The following CFAP47 variants were observed in gnomAD, a reference collection of about 807,000 sequenced individuals.
CFAP47 encodes cilia and flagella associated protein 47, also known as cilia- and flagella-associated protein 47.
In CFAP47, 29 loss-of-function variants were observed where a neutral mutation model predicts 148.1. The ratio of observed to expected loss-of-function variants is 0.20; its 90% CI spans 0.15 to 0.27. The LOEUF (loss-of-function observed/expected upper bound fraction) is 0.27. Ranked by LOEUF, CFAP47 falls within the 10% of genes least tolerant of loss-of-function variation. The probability of loss-of-function intolerance (pLI) is 1.00; values close to 1 mark genes in which losing one functional copy is unlikely to be tolerated. For synonymous variants in CFAP47, 664 were observed against 577.3 expected (o/e 1.15, Z -2.15); for missense variants, 1,872 against 1,697.5 (o/e 1.10, Z -1.81).
chrX:36,346,760 C>G (rs1167129834), intron 57 of CFAP47, among the ~76,000 whole-genome samples: 1 of 111,679 alleles, frequency 9.0e-6, no homozygotes, highest in Non-Finnish European at 1.9e-5. Context: ...GTGGCATCTT[C>G]AGGAGAAACT....
At chrX:36,261,183 T>C (rs1029551775) in intron 49 of CFAP47, among the ~76,000 whole-genome samples, 2 of 104,634 alleles carry the variant, frequency 1.9e-5, no homozygotes, top group African/African-American at 3.6e-5. Flanking sequence ...TCACTGACAG[T>C]GTAGCTGTGG....
chrX:36,032,263 G>A (rs1245723038), intron 23 of CFAP47, among the ~76,000 whole-genome samples: 1 of 109,660 alleles, frequency 9.1e-6, no homozygotes, highest in Non-Finnish European at 1.9e-5. Context: ...GACACCAATA[G>A]CATTCTCTCT....
At chrX:36,337,921 CGG>C (rs1453412992) in intron 57 of CFAP47, among the ~76,000 whole-genome samples, 3 of 86,710 alleles carry the variant, frequency 3.5e-5, no homozygotes, top group Non-Finnish European at 6.4e-5. Context: ...GGCTGGAGTG[CGG>C]TGTGGCGCGA....
At position 36,028,772 on chromosome X, in the gene CFAP47, T is replaced by G. The variant is rs776735317; in HGVS notation, c.3557-2481T>G. ...TTTTTAGTAGAGTCTTTAAAGGATG[T>G]CAGATTTTATCAATGAGCAGGGATA... On this transcript the variant is annotated intron_variant, in intron 22 of 63. Transcript: ENST00000378653. Among the ~76,000 whole-genome samples the G allele has an allele frequency of 4.5e-5, 5 of 111,088 alleles. 1 individual carries two copies. In the South Asian group the frequency reaches 1.9e-3, roughly 41 times the overall value.
intron 23 of CFAP47, among the ~76,000 whole-genome samples, chrX:36,034,599 T>A (rs966510418): frequency 8.9e-6 from 1 of 111,772 alleles, no homozygotes; most frequent in African/African-American, 3.2e-5. Flanking sequence ...CTTTCAGTTA[T>A]AATTTAATAT....
At chrX:36,379,272 T>C in intron 62 of CFAP47, 78 bp from the exon 63 acceptor site, 1 of 914,576 alleles carries the variant, frequency 1.1e-6, no homozygotes, top group South Asian at 2.2e-5. Context: ...AGGATTCAAA[T>C]TCTACTCATC....
In CFAP47 at chrX:36,210,764, T is replaced by C. The variant is rs184499049; in HGVS notation, c.6817+5654T>C. On this transcript the variant is annotated intron_variant, in intron 45 of 63. Coordinates refer to ENST00000378653, the MANE Select transcript of CFAP47 (RefSeq NM_001304548.2). ...CTTGTTGCTCTTGCTTTTGATCATA[T>C]CTAAGAATCCATTGCCAAATGTGAG... 4.2e-3 allele frequency among the ~76,000 whole-genome samples: 468 copies of C among 112,439 alleles called. 12 individuals carry two copies. The highest frequency in any genetic ancestry group is 0.035 in the Admixed American group (375 of 10,575).
intron 13 of CFAP47, among the ~76,000 whole-genome samples, chrX:35,974,502 C>A (rs1302086286): frequency 9.0e-6 from 1 of 110,900 alleles, no homozygotes; most frequent in Non-Finnish European, 1.9e-5. Context: ...GCATATAAAA[C>A]ATGGAGAATG....
At chrX:35,938,134 T>G (rs777755967) in intron 2 of CFAP47, among the ~76,000 whole-genome samples, 4 of 111,868 alleles carry the variant, frequency 3.6e-5, no homozygotes, top group Non-Finnish European at 5.6e-5. Context: ...TTAAAATGTA[T>G]CCAGTAGAAT....
At position 36,211,654 on chromosome X, in the gene CFAP47, CAGTA is replaced by C. The variant is rs1263272148; in HGVS notation, c.6817+6547_6817+6550del. 1.5e-5 allele frequency: 3 copies of C among 199,826 alleles called. No homozygotes were observed. In the East Asian group the frequency reaches 4.3e-4, roughly 29 times the overall value. 16.5% of individuals were successfully genotyped at this position (199,826 alleles called of 1,213,427 possible). ...AAAAGGGAGTTGTAAAGGTTGAAAACAGTAAGAAAAAGAAAGAAGAGGAGGAAGA... is the reference window on the plus strand; with the variant it reads ...AAAAGGGAGTTGTAAAGGTTGAAAACAGAAAAAGAAAGAAGAGGAGGAAGA... On this transcript the variant is annotated intron_variant, in intron 45 of 63. Coordinates refer to ENST00000378653, the MANE Select transcript of CFAP47 (RefSeq NM_001304548.2).
At chrX:36,124,143 C>G (rs749602584) in intron 33 of CFAP47, among the ~76,000 whole-genome samples, 8 of 111,514 alleles carry the variant, frequency 7.2e-5, no homozygotes, top group Non-Finnish European at 1.9e-5. Flanking sequence ...TCCTGCTGTG[C>G]CTGAACTGGT....
At chrX:36,001,401 C>A (rs1378826301) in intron 20 of CFAP47, among the ~76,000 whole-genome samples, 1 of 111,161 alleles carries the variant, frequency 9.0e-6, no homozygotes, top group Admixed American at 9.6e-5. Context: ...TAACATGCTT[C>A]TTGAACTTTG....
At chrX:35,924,362 T>G (rs1248429597) in intron 1 of CFAP47, among the ~76,000 whole-genome samples, 2 of 106,938 alleles carry the variant, frequency 1.9e-5, no homozygotes, top group Non-Finnish European at 3.9e-5. Flanking sequence ...TGTGTATATA[T>G]GTATATGTGC....
At chrX:36,106,887 C>T (rs762232701) in intron 33 of CFAP47, among the ~76,000 whole-genome samples, 2 of 111,488 alleles carry the variant, frequency 1.8e-5, no homozygotes, top group Non-Finnish European at 3.8e-5. Flanking sequence ...CTGTTTGATA[C>T]TATAATTATG....
chrX:36,329,411 G>T (rs1425785954), intron 57 of CFAP47, among the ~76,000 whole-genome samples: 2 of 111,752 alleles, frequency 1.8e-5, no homozygotes, highest in African/African-American at 6.5e-5. Flanking sequence ...GAAAGGTAAG[G>T]ACTTGTCACA....
chrX:36,209,081 TA>T (rs1270945616), intron 45 of CFAP47, among the ~76,000 whole-genome samples: 2 of 112,485 alleles, frequency 1.8e-5, no homozygotes, highest in African/African-American at 6.5e-5. Flanking sequence ...TCAAACAGGA[TA>T]AAAAATAAAT....
intron 30 of CFAP47, among the ~76,000 whole-genome samples, chrX:36,087,137 G>C (rs1326869235): frequency 8.9e-6 from 1 of 112,156 alleles, no homozygotes; most frequent in Non-Finnish European, 1.9e-5. Context: ...ATCCAGCATG[G>C]ATGATCCTAA....
At chrX:35,939,434 TCCCTCCC>T (rs1301277220) in intron 2 of CFAP47, among the ~76,000 whole-genome samples, 1 of 69,183 alleles carries the variant, frequency 1.4e-5, no homozygotes, top group African/African-American at 5.4e-5. Context: ...CCCAATGCTA[TCCCTCCC>T]CCCTCCCCCC....
chrX:36,228,304 C>T (rs1940294290), intron 45 of CFAP47, among the ~76,000 whole-genome samples: 1 of 111,070 alleles, frequency 9.0e-6, no homozygotes, highest in Non-Finnish European at 1.9e-5. Flanking sequence ...AACTTCCAGC[C>T]ATTCCTTTTC....
Sources: allele counts gnomAD v4.1 joint callset (sites outside exome capture counted in the v4.1 genomes callset), GRCh38; gene constraint gnomAD v4.1.1; transcripts MANE v1.5; gene names NCBI Gene and HGNC (gene_info 2026-07-23, HGNC 2026-07-21).